KCNIP1: variants seen among roughly 807,000 people sequenced by gnomAD.
KCNIP1 encodes A-type potassium channel modulatory protein KCNIP1.
KCNIP1 carries 18 observed loss-of-function variants against 33.0 expected under a neutral mutation model. The observed-to-expected ratio is 0.55, with a 90% CI of 0.38 to 0.81. KCNIP1 has a LOEUF of 0.81. KCNIP1 is among the 30% of genes least tolerant of loss of function. KCNIP1 has a pLI of 0.00. For missense variants in KCNIP1, 238 were observed against 271.6 expected, an observed-to-expected ratio of 0.88 and a Z score of 0.87; for synonymous variants, 93 against 98.3, an observed-to-expected ratio of 0.95 and a Z score of 0.32.
chr5:170,643,785 G>T (rs1262628054), intron 1 of KCNIP1, among the ~76,000 whole-genome samples: 4 of 152,192 alleles, frequency 2.6e-5, no homozygotes, highest in African/African-American at 9.7e-5. Context: ...AGCCATCAGG[G>T]CTCTAATTGC....
At chr5:170,631,636 G>C (rs1760055025) in intron 1 of KCNIP1, among the ~76,000 whole-genome samples, 1 of 152,208 alleles carries the variant, frequency 6.6e-6, no homozygotes, top group South Asian at 2.1e-4. Context: ...TTATGTATTT[G>C]TCATTGCTCA....
intron 1 of KCNIP1, among the ~76,000 whole-genome samples, chr5:170,505,224 T>C (rs1207238383): frequency 6.6e-6 from 1 of 152,154 alleles, no homozygotes; most frequent in East Asian, 1.9e-4. Context: ...GAGCTGAGCT[T>C]ACATCAAGGA....
At chr5:170,682,570 A>G (rs1762385641) in intron 1 of KCNIP1, among the ~76,000 whole-genome samples, 1 of 152,134 alleles carries the variant, frequency 6.6e-6, no homozygotes, top group Non-Finnish European at 1.5e-5. Flanking sequence ...AAATCTGACA[A>G]TCTGGAAGAC....
At chr5:170,517,406 C>T (rs1014758344) in intron 1 of KCNIP1, among the ~76,000 whole-genome samples, 19 of 152,138 alleles carry the variant, frequency 1.2e-4, no homozygotes, top group Admixed American at 7.9e-4. Context: ...GACATAGAGG[C>T]AAACCATATC....
At chr5:170,709,449 C>T (rs1763371220) in intron 1 of KCNIP1, among the ~76,000 whole-genome samples, 1 of 152,222 alleles carries the variant, frequency 6.6e-6, no homozygotes, top group African/African-American at 2.4e-5. Context: ...CTGATGTAAA[C>T]ATAGCTGTGC....
chr5:170,565,517 C>T (rs1280958245), intron 1 of KCNIP1, among the ~76,000 whole-genome samples: 1 of 152,164 alleles, frequency 6.6e-6, no homozygotes, highest in Non-Finnish European at 1.5e-5. Context: ...CTTCTCTAAA[C>T]ACTCACAGTT....
At chr5:170,651,595 A>AC (rs1374016069) in intron 1 of KCNIP1, among the ~76,000 whole-genome samples, 9 of 151,408 alleles carry the variant, frequency 5.9e-5, no homozygotes, top group Admixed American at 2.0e-4. Context: ...TTCTACCGCC[A>AC]CCCCCCCAGC....
chr5:170,653,910 C>T (rs1212302002), intron 1 of KCNIP1, among the ~76,000 whole-genome samples: 1 of 152,044 alleles, frequency 6.6e-6, no homozygotes, highest in Non-Finnish European at 1.5e-5. Context: ...TTGAAATTTT[C>T]ACTAAAATCA....
At chr5:170,678,144 T>A (rs1481388287) in intron 1 of KCNIP1, among the ~76,000 whole-genome samples, 2 of 152,252 alleles carry the variant, frequency 1.3e-5, no homozygotes, top group Non-Finnish European at 2.9e-5. Flanking sequence ...CTTGTAGCTC[T>A]GATGGAACTG....
intron 1 of KCNIP1, among the ~76,000 whole-genome samples, chr5:170,445,974 A>G (rs1383702548): frequency 6.6e-6 from 1 of 152,248 alleles, no homozygotes; most frequent in Non-Finnish European, 1.5e-5. Context: ...GGAAATTGCC[A>G]CATGGCTCTC....
chr5:170,599,373 A>G (rs1758602217), intron 1 of KCNIP1, among the ~76,000 whole-genome samples: 1 of 152,132 alleles, frequency 6.6e-6, no homozygotes, highest in South Asian at 2.1e-4. Context: ...CTCCCCGAGG[A>G]ATCGCGTGCA....
intron 1 of KCNIP1, among the ~76,000 whole-genome samples, chr5:170,693,589 C>T (rs904000170): frequency 2.0e-5 from 3 of 152,172 alleles, no homozygotes; most frequent in Non-Finnish European, 4.4e-5. Context: ...GCTCTTCCCA[C>T]GTCTCTGCCT....
intron 1 of KCNIP1, among the ~76,000 whole-genome samples, chr5:170,597,820 T>TATATATATATATATAAAA (rs1441774904): frequency 3.5e-5 from 2 of 56,360 alleles, no homozygotes; most frequent in Admixed American, 2.1e-4. Flanking sequence ...TATATATATA[T>TATATATATATATATAAAA]ATATATATAT....
intron 1 of KCNIP1, among the ~76,000 whole-genome samples, chr5:170,556,390 C>G (rs567399183): frequency 6.6e-6 from 1 of 152,392 alleles, no homozygotes; most frequent in East Asian, 1.9e-4. Flanking sequence ...AGATGCCAGG[C>G]TCAGGAGATT....
At position 170,679,626 on chromosome 5, in the gene KCNIP1, A is replaced by T. The variant is rs959349902; in HGVS notation, c.62-39132A>T. Among the ~76,000 whole-genome samples, 38 of 144,500 alleles carry T rather than the reference A, an allele frequency of 2.6e-4. No individual in the cohort carries two copies. In the East Asian group the frequency reaches 3.3e-3, roughly 13 times the overall value. 94.8% of individuals were successfully genotyped at this position (144,500 alleles called of 152,430 possible). On this transcript the variant is annotated intron_variant, in intron 1 of 7. Transcript: ENST00000328939. ...TTTGGAAATATTTTATGTATATGAC[A>T]GTGTGTGTGTGTGTGTGTGTGTGTG...
chr5:170,443,364 A>G (rs1220061593), intron 1 of KCNIP1, among the ~76,000 whole-genome samples: 1 of 152,078 alleles, frequency 6.6e-6, no homozygotes, highest in African/African-American at 2.4e-5. Context: ...AAACCAAATC[A>G]ACCTTGGGAA....
At chr5:170,509,112 C>G (rs1754830589) in intron 1 of KCNIP1, among the ~76,000 whole-genome samples, 1 of 152,204 alleles carries the variant, frequency 6.6e-6, no homozygotes, top group Non-Finnish European at 1.5e-5. Flanking sequence ...TAGCTTCCCA[C>G]CGGAATTTCA....
chr5:170,730,496 A>C (rs1257649111), intron 5 of KCNIP1, among the ~76,000 whole-genome samples: 15 of 152,218 alleles, frequency 9.9e-5, no homozygotes, highest in Admixed American at 9.8e-4. Context: ...AGGCTATGAA[A>C]ATCCTGAGAG....
intron 1 of KCNIP1, among the ~76,000 whole-genome samples, chr5:170,714,808 A>C (rs887988880): frequency 6.6e-6 from 1 of 152,190 alleles, no homozygotes; most frequent in Non-Finnish European, 1.5e-5. Context: ...AAGCGTTATC[A>C]CAAAAGAGTC....
Sources: gnomAD v4.1 joint callset for allele counts (sites outside exome capture counted in the v4.1 genomes callset) on GRCh38, gnomAD v4.1.1 for gene constraint, MANE v1.5 for transcripts, NCBI Gene and HGNC (gene_info 2026-07-23, HGNC 2026-07-21) for gene names.